FAM13C: variants seen among roughly 807,000 people sequenced by gnomAD.
FAM13C encodes family with sequence similarity 13 member C, also known as protein FAM13C.
A neutral mutation model predicts 73.2 loss-of-function variants in FAM13C; 37 were observed. The ratio of observed to expected loss-of-function variants is 0.51; its 90% CI spans 0.39 to 0.67. The LOEUF is 0.67. Ranked by LOEUF, FAM13C falls within the 30% of genes least tolerant of loss-of-function variation. The probability of loss-of-function intolerance (pLI) is 0.00; values close to 1 mark genes in which losing one functional copy is unlikely to be tolerated. For synonymous variants in FAM13C, 246 were observed against 260.9 expected (o/e 0.94, Z 0.55); for missense variants, 589 against 715.6 (o/e 0.82, Z 2.02).
Position 59,257,184 on chromosome 10 carries a change from T to TA in FAM13C, c.1237-2742dup, listed in dbSNP as rs577221633. ...GGAGGTTGAGCAAGAGAGGACCATA[T>TA]ATAGGACACAATTTGATATGATTTG... On this transcript the variant is annotated intron_variant, in intron 10 of 13. Coordinates refer to ENST00000618804, the MANE Select transcript of FAM13C (RefSeq NM_198215.4). Among the ~76,000 whole-genome samples, 23 of 152,312 alleles carry TA rather than the reference T, an allele frequency of 1.5e-4. No individual in the cohort carries two copies. In the South Asian group the frequency reaches 4.8e-3, roughly 32 times the overall value.
intron 10 of FAM13C, among the ~76,000 whole-genome samples, chr10:59,254,850 C>G (rs1589347113): frequency 6.6e-6 from 1 of 152,084 alleles, no homozygotes; most frequent in African/African-American, 2.4e-5. Context: ...AGTGATCAGC[C>G]TGCCTCGGCC....
At chr10:59,268,410 A>C in intron 8 of FAM13C, 143 bp downstream of exon 8, 1 of 919,042 alleles carries the variant, frequency 1.1e-6, no homozygotes, top group Non-Finnish European at 1.6e-6. Flanking sequence ...GAAGATGAAG[A>C]CTCTATGATA....
At chr10:59,319,273 C>A (rs529026801) in intron 4 of FAM13C, among the ~76,000 whole-genome samples, 21 of 152,264 alleles carry the variant, frequency 1.4e-4, no homozygotes, top group Admixed American at 1.2e-3. Context: ...AGGCCATTAT[C>A]CTTGCTAAGG....
At position 59,282,345 on chromosome 10, in the gene FAM13C, G is replaced by A. The variant is rs575653686; in HGVS notation, c.592+1018C>T. 3 of 152,276 alleles carry A rather than the reference G, an allele frequency of 2.0e-5. No individual in the cohort carries two copies. In the East Asian group the frequency reaches 5.8e-4, roughly 29 times the overall value. The allele number at this position is 152,276 out of a possible 1,614,324, so 9.4% of individuals were successfully genotyped here. ...ATTATTAGTACACATTCCAGCACTG[G>A]AGAGTACTGATTTACCTGCTTAGAC... is the stretch of plus-strand genomic sequence containing the variant. On this transcript the variant is annotated intron_variant, in intron 6 of 13. Transcript: ENST00000618804.
chr10:59,313,234 A>G (rs563061079), intron 4 of FAM13C, among the ~76,000 whole-genome samples: 1 of 152,272 alleles, frequency 6.6e-6, no homozygotes, highest in East Asian at 1.9e-4. Context: ...CCCAAAGCAT[A>G]TTTGCCCTTA....
At chr10:59,362,262 C>G in intron 1 of FAM13C, 137 bp downstream of exon 1, 2 of 1,227,082 alleles carry the variant, frequency 1.6e-6, no homozygotes, top group East Asian at 5.2e-5. Context: ...GCACGTCTCA[C>G]GGTCTTCACA....
chr10:59,324,223 G>A (rs1178876450), intron 3 of FAM13C, 117 bp from the exon 4 acceptor site: 9 of 758,650 alleles, frequency 1.2e-5, no homozygotes, highest in African/African-American at 1.8e-5. Flanking sequence ...ACATTCTGCT[G>A]ATTGTAGTGT....
At chr10:59,317,236 T>C (rs564334121) in intron 4 of FAM13C, among the ~76,000 whole-genome samples, 90 of 152,096 alleles carry the variant, frequency 5.9e-4, no homozygotes, top group African/African-American at 1.8e-3. Context: ...CACGACTTCA[T>C]TGGGAAGCTG....
At chr10:59,303,878 G>A (rs200005870) in intron 4 of FAM13C, among the ~76,000 whole-genome samples, 28 of 152,086 alleles carry the variant, frequency 1.8e-4, no homozygotes, top group African/African-American at 4.3e-4. Flanking sequence ...GGCCAGGCGC[G>A]GTGGCTCATG....
Position 59,262,655 on chromosome 10 carries a change from A to G in FAM13C, c.1025-10T>C. ...AGCTTTAGCTTTAGTTCTAAGAGAA[A>G]TGCTATGAGTTATCATAAGCAAAGA... On this transcript the variant is annotated splice_polypyrimidine_tract_variant and intron_variant, in intron 9 of 13. Coordinates refer to ENST00000618804, the MANE Select transcript of FAM13C (RefSeq NM_198215.4). The G allele has an allele frequency of 6.2e-7, 1 of 1,610,116 alleles. No individual in the cohort carries two copies. The highest frequency in any genetic ancestry group is 8.5e-7 in the Non-Finnish European group (1 of 1,177,124).
intron 10 of FAM13C, among the ~76,000 whole-genome samples, chr10:59,258,219 C>T (rs541430722): frequency 1.3e-5 from 2 of 152,298 alleles, no homozygotes; most frequent in South Asian, 4.1e-4. Flanking sequence ...TATGGTGGCT[C>T]ACTCCTGTAA....
At chr10:59,278,497 C>A (rs1174547897) in intron 6 of FAM13C, among the ~76,000 whole-genome samples, 1 of 152,122 alleles carries the variant, frequency 6.6e-6, no homozygotes, top group Non-Finnish European at 1.5e-5. Flanking sequence ...CCATTCAGCA[C>A]TATTGAACCA....
chr10:59,294,199 G>A (rs1846624352), intron 5 of FAM13C, among the ~76,000 whole-genome samples: 1 of 152,168 alleles, frequency 6.6e-6, no homozygotes, highest in African/African-American at 2.4e-5. Context: ...GCACAGGCTG[G>A]CCCCGGGAGC....
At chr10:59,293,045 C>T (rs978842034) in intron 5 of FAM13C, among the ~76,000 whole-genome samples, 1 of 147,926 alleles carries the variant, frequency 6.8e-6, no homozygotes, top group South Asian at 2.2e-4. Context: ...CTCTCTACTT[C>T]TGAGATCAAC....
At chr10:59,353,072 C>G (rs142277967) in intron 2 of FAM13C, among the ~76,000 whole-genome samples, 1 of 152,334 alleles carries the variant, frequency 6.6e-6, no homozygotes, top group East Asian at 1.9e-4. Flanking sequence ...CTCAACCAGG[C>G]CCTCTGAACA....
intron 1 of FAM13C, among the ~76,000 whole-genome samples, chr10:59,361,314 C>T (rs1409615169): frequency 1.3e-5 from 2 of 151,920 alleles, no homozygotes; most frequent in Non-Finnish European, 2.9e-5. Context: ...AACAAGAGGG[C>T]CTAGGAAGCA....
chr10:59,338,885 G>T (rs1417568124), intron 3 of FAM13C, among the ~76,000 whole-genome samples: 1 of 152,180 alleles, frequency 6.6e-6, no homozygotes, highest in East Asian at 1.9e-4. Flanking sequence ...GTTTCCTAGG[G>T]TTACAGTGAC....
intron 5 of FAM13C, among the ~76,000 whole-genome samples, chr10:59,289,667 T>C (rs1484836614): frequency 6.6e-6 from 1 of 152,178 alleles, no homozygotes; most frequent in Non-Finnish European, 1.5e-5. Flanking sequence ...CATAGGGCTA[T>C]GGAGGAAAGA....
chr10:59,263,838 G>A, intron 9 of FAM13C: 1 of 488,372 alleles, frequency 2.0e-6, no homozygotes, highest in Non-Finnish European at 3.7e-6. Context: ...AATGTTCCTG[G>A]CATTGAAGTG....
Sources: allele counts gnomAD v4.1 joint callset (sites outside exome capture counted in the v4.1 genomes callset), GRCh38; gene constraint gnomAD v4.1.1; transcripts MANE v1.5; gene names NCBI Gene and HGNC (gene_info 2026-07-23, HGNC 2026-07-21).